The following DENND1A variants were observed in gnomAD, a reference collection of about 807,000 sequenced individuals.
DENND1A encodes DENN domain-containing protein 1A.
In DENND1A, 51 loss-of-function variants were observed where a neutral mutation model predicts 113.7. The observed-to-expected ratio is 0.45, with a 90% CI of 0.36 to 0.57. DENND1A has a LOEUF of 0.57. Among genes scored for constraint, DENND1A ranks in the 20% least tolerant of loss-of-function variants. The pLI is 0.00. For synonymous variants in DENND1A, 565 were observed against 570.8 expected (o/e 0.99, Z 0.14); for missense variants, 1,258 against 1,395.9 (o/e 0.90, Z 1.57).
At chr9:123,510,862 GGAA>G (rs2053399925) in intron 13 of DENND1A, among the ~76,000 whole-genome samples, 1 of 152,210 alleles carries the variant, frequency 6.6e-6, no homozygotes, top group Non-Finnish European at 1.5e-5. Flanking sequence ...TGCTTCAGAA[GGAA>G]GTAAGTTCCC....
intron 4 of DENND1A, chr9:123,759,377 C>T (rs995942532): frequency 2.0e-5 from 3 of 152,188 alleles, no homozygotes; most frequent in Non-Finnish European, 4.4e-5. Flanking sequence ...TAGAAGAGGT[C>T]ACTGAGTTTG....
intron 5 of DENND1A, among the ~76,000 whole-genome samples, chr9:123,693,968 C>G (rs1018788183): frequency 3.3e-5 from 5 of 151,492 alleles, no homozygotes; most frequent in African/African-American, 1.2e-4. Flanking sequence ...GCTGGGACTT[C>G]AGGCGTGTGC....
chr9:123,774,396 G>A (rs1478053808), intron 3 of DENND1A, among the ~76,000 whole-genome samples: 3 of 152,170 alleles, frequency 2.0e-5, no homozygotes, highest in Non-Finnish European at 2.9e-5. Flanking sequence ...TGATTAAGAA[G>A]GGTAAAGCAG....
chr9:123,737,852 T>C (rs1202090502), intron 5 of DENND1A, among the ~76,000 whole-genome samples: 3 of 152,184 alleles, frequency 2.0e-5, no homozygotes, highest in African/African-American at 7.2e-5. Flanking sequence ...TGTGAGTAAA[T>C]GGACTGCCAT....
At chr9:123,392,169 C>G (rs2042889205) in intron 21 of DENND1A, among the ~76,000 whole-genome samples, 1 of 152,192 alleles carries the variant, frequency 6.6e-6, no homozygotes, top group Non-Finnish European at 1.5e-5. Context: ...GGGACGTGCT[C>G]CATGCTCTCT....
intron 1 of DENND1A, among the ~76,000 whole-genome samples, chr9:123,919,878 T>C (rs1453671767): frequency 7.9e-6 from 1 of 126,652 alleles, no homozygotes; most frequent in Non-Finnish European, 1.6e-5. Context: ...TGAGACTCTG[T>C]CTCAGAAAAA....
chr9:123,904,176 G>A (rs1209727614), intron 1 of DENND1A, among the ~76,000 whole-genome samples: 2 of 152,156 alleles, frequency 1.3e-5, no homozygotes, highest in African/African-American at 2.4e-5. Context: ...CTGTTAGAAG[G>A]AAAACTAACA....
chr9:123,808,348 T>C (rs1330368154), intron 2 of DENND1A, among the ~76,000 whole-genome samples: 1 of 152,078 alleles, frequency 6.6e-6, no homozygotes, highest in African/African-American at 2.4e-5. Context: ...GATCAGTTTC[T>C]GTTTCAGTAA....
At chr9:123,631,933 C>T (rs539853361) in intron 9 of DENND1A, among the ~76,000 whole-genome samples, 15 of 152,210 alleles carry the variant, frequency 9.9e-5, no homozygotes, top group Non-Finnish European at 1.9e-4. Context: ...GCCAACAACA[C>T]ATATTTCTTT....
chr9:123,689,649 T>C (rs899270999), intron 5 of DENND1A, among the ~76,000 whole-genome samples: 1 of 152,162 alleles, frequency 6.6e-6, no homozygotes, highest in African/African-American at 2.4e-5. Flanking sequence ...TTTAATCATA[T>C]GGGAAAATGT....
At chr9:123,428,948 G>A (rs1467651429) in intron 19 of DENND1A, among the ~76,000 whole-genome samples, 1 of 152,158 alleles carries the variant, frequency 6.6e-6, no homozygotes, top group African/African-American at 2.4e-5. Context: ...TCAATATCAT[G>A]AAAATGGCCA....
chr9:123,551,448 T>C lies in DENND1A; in HGVS notation c.993+6122A>G, dbSNP rs140198176. Among the ~76,000 whole-genome samples, 30 of 152,274 alleles carry C rather than the reference T, an allele frequency of 2.0e-4. No homozygotes were observed. In the East Asian group the frequency reaches 4.8e-3, roughly 24 times the overall value. ...TGCAGAGAGTTACTAACACGGAACA[T>C]GTGGAAACTAGAACAAAGACAGGCG... On this transcript the variant is annotated intron_variant, in intron 13 of 23. Coordinates refer to ENST00000394215, the MANE Select transcript of DENND1A (RefSeq NM_001352964.2).
intron 5 of DENND1A, among the ~76,000 whole-genome samples, chr9:123,707,121 G>A (rs913156350): frequency 5.9e-5 from 9 of 152,112 alleles, no homozygotes; most frequent in African/African-American, 2.2e-4. Context: ...AGGGCCGGGC[G>A]CGGTGGCTCA....
chr9:123,805,537 G>T (rs1045373318), intron 2 of DENND1A, among the ~76,000 whole-genome samples: 2 of 151,506 alleles, frequency 1.3e-5, no homozygotes, highest in African/African-American at 4.9e-5. Context: ...GGGTTCAAGC[G>T]ATTATCCTGC....
chr9:123,795,033 A>G (rs1479173219), intron 2 of DENND1A, among the ~76,000 whole-genome samples: 5 of 152,226 alleles, frequency 3.3e-5, no homozygotes, highest in Non-Finnish European at 5.9e-5. Flanking sequence ...CCAAGAGAAT[A>G]CATGCATTAT....
chr9:123,741,302 G>C (rs1014737786), intron 5 of DENND1A, among the ~76,000 whole-genome samples: 1 of 152,186 alleles, frequency 6.6e-6, no homozygotes, highest in Non-Finnish European at 1.5e-5. Flanking sequence ...AGTGATTAAA[G>C]TGGAAAGAGA....
At chr9:123,845,244 AG>A (rs1471046911) in intron 2 of DENND1A, among the ~76,000 whole-genome samples, 1 of 152,094 alleles carries the variant, frequency 6.6e-6, no homozygotes, top group Admixed American at 6.6e-5. Context: ...AAAATCAACA[AG>A]GAAACCAAAA....
intron 22 of DENND1A, among the ~76,000 whole-genome samples, chr9:123,386,887 G>C (rs1187401884): frequency 6.6e-6 from 1 of 152,236 alleles, no homozygotes; most frequent in Non-Finnish European, 1.5e-5. Flanking sequence ...TTGGGAACAG[G>C]GAGAGGGTGC....
chr9:123,788,506 T>C (rs1391083933), intron 3 of DENND1A, among the ~76,000 whole-genome samples: 2 of 152,306 alleles, frequency 1.3e-5, no homozygotes, highest in East Asian at 3.9e-4. Flanking sequence ...AGTAAAGTTT[T>C]ACCAATTATT....
Sources: gnomAD v4.1 joint callset for allele counts (sites outside exome capture counted in the v4.1 genomes callset) on GRCh38, gnomAD v4.1.1 for gene constraint, MANE v1.5 for transcripts, NCBI Gene and HGNC (gene_info 2026-07-23, HGNC 2026-07-21) for gene names.